The following GOLGA4 variants were observed in gnomAD, a reference collection of about 807,000 sequenced individuals.
GOLGA4 encodes the protein golgin A4.
Under a neutral mutation model 265.9 loss-of-function variants are expected in GOLGA4, and 169 were observed. The observed-to-expected ratio is 0.64, with a 90% CI of 0.56 to 0.72. The LOEUF (loss-of-function observed/expected upper bound fraction) is 0.72, where lower values mean the gene tolerates loss of function less well. Ranked by LOEUF, GOLGA4 falls within the 30% of genes least tolerant of loss-of-function variation. The probability of loss-of-function intolerance (pLI) is 0.00; values close to 1 mark genes in which losing one functional copy is unlikely to be tolerated. For synonymous variants in GOLGA4, 923 were observed against 855.8 expected, an observed-to-expected ratio of 1.08 and a Z score of -1.37; for missense variants, 2,482 against 2,483.4, an observed-to-expected ratio of 1.00 and a Z score of 0.01.
At chr3:37,330,726 C>T (rs4678563) in intron 16 of GOLGA4, among the ~76,000 whole-genome samples, 75,751 of 151,956 alleles carry the variant, frequency 0.5, 21,140 homozygotes, top group African/African-American at 0.74. Flanking sequence ...AGCACTGCCA[C>T]TGGAAATATA....
intron 17 of GOLGA4, among the ~76,000 whole-genome samples, chr3:37,336,527 G>A (rs1413813435): frequency 1.3e-5 from 2 of 151,884 alleles, no homozygotes; most frequent in African/African-American, 4.8e-5. Context: ...TTGGGAGGCC[G>A]AGGTGGGCAG....
At chr3:37,251,583 A>T in intron 2 of GOLGA4, 99 bp downstream of exon 2, 1 of 682,660 alleles carries the variant, frequency 1.5e-6, no homozygotes. Context: ...CAGGTCAGCT[A>T]TTTAATTCCT....
At chr3:37,357,103 A>C (rs183749916) in intron 22 of GOLGA4, among the ~76,000 whole-genome samples, 46 of 152,308 alleles carry the variant, frequency 3.0e-4, no homozygotes, top group African/African-American at 1.1e-3. Flanking sequence ...TTAACTTAAA[A>C]AAAAAGAGTC....
At chr3:37,314,588 C>T (rs1303359038) in intron 10 of GOLGA4, among the ~76,000 whole-genome samples, 1 of 151,336 alleles carries the variant, frequency 6.6e-6, no homozygotes, top group East Asian at 2.0e-4. Flanking sequence ...TTGCAGTGAG[C>T]TGAGATCGCA....
intron 7 of GOLGA4, among the ~76,000 whole-genome samples, chr3:37,298,186 C>A (rs2096883642): frequency 6.6e-6 from 1 of 152,170 alleles, no homozygotes; most frequent in Non-Finnish European, 1.5e-5. Context: ...GTAATTCACG[C>A]AGAGCCGAGT....
At chr3:37,302,817 T>A (rs2096896509) in intron 10 of GOLGA4, 2 of 153,630 alleles carry the variant, frequency 1.3e-5, no homozygotes, top group South Asian at 4.1e-4. Flanking sequence ...TAATGAACAC[T>A]TCAGTGTTAA....
At chr3:37,317,359 G>A (rs143456875) in intron 11 of GOLGA4, among the ~76,000 whole-genome samples, 5,865 of 152,000 alleles carry the variant, frequency 0.039, 147 homozygotes, top group African/African-American at 0.056. Context: ...TAGTAGAGAT[G>A]GGGTTTCTCC....
At chr3:37,340,272 G>A (rs2097028901) in intron 20 of GOLGA4, 73 bp downstream of exon 20, 2 of 602,094 alleles carry the variant, frequency 3.3e-6, no homozygotes, top group Admixed American at 3.1e-5. Context: ...TTTTATTTTT[G>A]TTTTTGCTAA....
chr3:37,305,940 A>G lies in GOLGA4; in HGVS notation c.1234+3608A>G, dbSNP rs542441601. Among the ~76,000 whole-genome samples the G allele has an allele frequency of 3.9e-5, 6 of 152,290 alleles. No individual in the cohort carries two copies. The East Asian group carries it at 9.6e-4, about 24-fold the overall frequency. On this transcript the variant is annotated intron_variant, in intron 10 of 23. Transcript: ENST00000361924. ...GAAACAGTCTCTTAAGCTGCTCCTC[A>G]TATTTTTTTCTAGATGAATTGTGGT...
At chr3:37,257,671 T>G (rs1309778875) in intron 2 of GOLGA4, among the ~76,000 whole-genome samples, 2 of 151,518 alleles carry the variant, frequency 1.3e-5, no homozygotes. Context: ...CTAGGGATGT[T>G]ATCTCTGTGT....
At position 37,321,970 on chromosome 3, in the gene GOLGA4, C is replaced by T. The variant is rs908351350; in HGVS notation, c.1701+84C>T. 41 of 1,085,574 alleles carry T rather than the reference C, an allele frequency of 3.8e-5. 1 individual carries two copies. Among genetic ancestry groups the T allele is most frequent in the Non-Finnish European group, 5.1e-5 (38 of 750,366 alleles). The allele number at this position is 1,085,574 out of a possible 1,614,324, so 67.2% of individuals were successfully genotyped here. A position where few individuals can be genotyped will look rare whatever the true frequency, so the allele number is the denominator to read the frequency against. On this transcript the variant is annotated intron_variant, in intron 13 of 23. Coordinates refer to ENST00000361924, the MANE Select transcript of GOLGA4 (RefSeq NM_002078.5). The stretch of plus-strand genomic sequence containing the variant: ...GTTGTCTCTAGTCAGTATAAAGTTT[C>T]GAAGATTACTGGATTAGATTTATGT...
chr3:37,264,422 T>C (rs965285991), intron 2 of GOLGA4, among the ~76,000 whole-genome samples: 3 of 152,186 alleles, frequency 2.0e-5, no homozygotes, highest in African/African-American at 4.8e-5. Context: ...AATACTAAAA[T>C]TGAGAATTTA....
intron 10 of GOLGA4, among the ~76,000 whole-genome samples, chr3:37,303,199 T>C (rs1251678423): frequency 6.6e-6 from 1 of 152,186 alleles, no homozygotes; most frequent in Non-Finnish European, 1.5e-5. Flanking sequence ...GTTTAGACTT[T>C]GATATACAGA....
chr3:37,255,258 T>C (rs2096745353), intron 2 of GOLGA4, among the ~76,000 whole-genome samples: 1 of 152,012 alleles, frequency 6.6e-6, no homozygotes, highest in African/African-American at 2.4e-5. Flanking sequence ...CCTCCCGGGT[T>C]CAAGCAATTC....
chr3:37,364,648 G>A (rs570162816), intron 23 of GOLGA4, among the ~76,000 whole-genome samples: 1 of 149,502 alleles, frequency 6.7e-6, no homozygotes, highest in Non-Finnish European at 1.5e-5. Flanking sequence ...GTGCAGTGGC[G>A]TGAACACAGT....
Position 37,326,163 on chromosome 3 carries a change from A to C in GOLGA4, c.4277A>C (p.Lys1426Thr). Residue 1426 changes from lysine (K) to threonine (T), a missense_variant, in exon 14 of 24, where the codon AAA (lysine) becomes ACA (threonine). By Grantham distance (78) the Lys-to-Thr change is moderately conservative. Transcript: ENST00000361924. ...TCTTTTAAAGTTGACACTCTGAGTA[A>C]AGAGAAAATTTCTGCTCTTGAGCAG... The part of the protein sequence containing the change: ...DLSFKVDTLS[K>T]EKISALEQVD... The C allele has an allele frequency of 6.2e-7, 1 of 1,613,514 alleles. No homozygotes were observed. The highest frequency in any genetic ancestry group is 1.1e-5 in the South Asian group (1 of 90,988).
In GOLGA4 at chr3:37,308,058, C is replaced by A. The variant is rs546779949; in HGVS notation, c.1234+5726C>A. Reference sequence around the variant, plus strand: ...AGACCAGCCTGGCCAACATGGTAAACCCCATCTCTACTAAAAATATAAAAA... The same window carrying A: ...AGACCAGCCTGGCCAACATGGTAAAACCCATCTCTACTAAAAATATAAAAA... On this transcript the variant is annotated intron_variant, in intron 10 of 23. Transcript: ENST00000361924. Among the ~76,000 whole-genome samples the A allele has an allele frequency of 3.3e-5, 5 of 152,046 alleles. No individual in the cohort carries two copies. In the East Asian group the frequency reaches 9.7e-4, roughly 30 times the overall value.
intron 6 of GOLGA4, among the ~76,000 whole-genome samples, chr3:37,295,367 T>G (rs2150837542): frequency 6.6e-6 from 1 of 152,224 alleles, no homozygotes; most frequent in East Asian, 1.9e-4. Context: ...TACAGGCATA[T>G]GCCACCACGC....
At chr3:37,310,913 ATGC>A (rs2096921496) in intron 10 of GOLGA4, among the ~76,000 whole-genome samples, 1 of 152,152 alleles carries the variant, frequency 6.6e-6, no homozygotes, top group African/African-American at 2.4e-5. Context: ...GCTGTGACTG[ATGC>A]ACGCTTTATT....
Sources: gnomAD v4.1 joint callset for allele counts (sites outside exome capture counted in the v4.1 genomes callset) on GRCh38, gnomAD v4.1.1 for gene constraint, MANE v1.5 for transcripts, NCBI Gene and HGNC (gene_info 2026-07-23, HGNC 2026-07-21) for gene names.